GNPAT: variants seen among roughly 807,000 people sequenced by gnomAD.
GNPAT encodes glyceronephosphate O-acyltransferase, also known as dihydroxyacetone phosphate acyltransferase.
GNPAT carries 30 observed loss-of-function variants against 78.4 expected under a neutral mutation model. The observed-to-expected ratio is 0.38, with a 90% CI of 0.29 to 0.52. The LOEUF is 0.52. GNPAT is among the 20% of genes least tolerant of loss of function. The pLI is 0.84. For synonymous variants in GNPAT, 271 were observed against 281.1 expected, an observed-to-expected ratio of 0.96 and a Z score of 0.36; for missense variants, 714 against 812.2, an observed-to-expected ratio of 0.88 and a Z score of 1.47.
chr1:231,271,151 T>C, intron 10 of GNPAT, 151 bp downstream of exon 10: 2 of 927,658 alleles, frequency 2.2e-6, no homozygotes, highest in Non-Finnish European at 3.5e-6. Context: ...GTTCCCCAAA[T>C]ACTTGTTCAT....
At chr1:231,265,816 T>C (rs1349567094) in intron 6 of GNPAT, 29 bp downstream of exon 6, 1 of 1,378,936 alleles carries the variant, frequency 7.3e-7, no homozygotes, top group South Asian at 1.2e-5. Flanking sequence ...AAAGGAAAAA[T>C]ACAAACCCAA....
At chr1:231,266,496 G>T in intron 8 of GNPAT, 89 bp downstream of exon 8, 1 of 1,056,000 alleles carries the variant, frequency 9.5e-7, no homozygotes, top group Non-Finnish European at 1.5e-6. Context: ...CACTTCTCTT[G>T]ATTTACTTAA....
At chr1:231,246,245 G>A (rs1684743374) in intron 1 of GNPAT, among the ~76,000 whole-genome samples, 1 of 152,192 alleles carries the variant, frequency 6.6e-6, no homozygotes, top group Admixed American at 6.5e-5. Flanking sequence ...ATTGACAAAT[G>A]CTATAACTCA....
chr1:231,267,062 G>T (rs989829621), intron 8 of GNPAT, among the ~76,000 whole-genome samples: 3 of 152,142 alleles, frequency 2.0e-5, no homozygotes, highest in Non-Finnish European at 2.9e-5. Flanking sequence ...CCTGACACAG[G>T]CTCTCTCTTT....
chr1:231,254,391 G>T (rs906633944), intron 2 of GNPAT, among the ~76,000 whole-genome samples: 1 of 152,016 alleles, frequency 6.6e-6, no homozygotes, highest in Admixed American at 6.6e-5. Flanking sequence ...TTCCAGCCCT[G>T]CCTCCTCTTC....
intron 1 of GNPAT, among the ~76,000 whole-genome samples, chr1:231,248,169 A>G (rs184098524): frequency 3.4e-4 from 52 of 152,298 alleles, no homozygotes; most frequent in Non-Finnish European, 6.9e-4. Flanking sequence ...GTAGTAACCT[A>G]CTGTTGACCT....
At chr1:231,254,856 A>T (rs1685003831) in intron 2 of GNPAT, among the ~76,000 whole-genome samples, 1 of 150,930 alleles carries the variant, frequency 6.6e-6, no homozygotes, top group South Asian at 2.1e-4. Flanking sequence ...GGTTCAAGTG[A>T]TTCTCCTGCC....
At chr1:231,269,526 C>T (rs1685493649) in intron 9 of GNPAT, among the ~76,000 whole-genome samples, 1 of 152,134 alleles carries the variant, frequency 6.6e-6, no homozygotes, top group Non-Finnish European at 1.5e-5. Flanking sequence ...ACTCAGGGCA[C>T]AGCCAAGAGA....
intron 5 of GNPAT, 43 bp from the exon 6 acceptor site, chr1:231,265,669 A>G (rs1274551905): frequency 1.8e-6 from 2 of 1,131,610 alleles, no homozygotes; most frequent in Admixed American, 3.4e-5. Context: ...TCATTTTGAG[A>G]GTAGGCAATG....
chr1:231,272,756 G>A (rs2102825438), intron 11 of GNPAT, among the ~76,000 whole-genome samples: 1 of 152,252 alleles, frequency 6.6e-6, no homozygotes, highest in African/African-American at 2.4e-5. Flanking sequence ...GGATCACGAG[G>A]TCAAGAGATC....
At chr1:231,254,670 G>C (rs1420102112) in intron 2 of GNPAT, among the ~76,000 whole-genome samples, 1 of 150,598 alleles carries the variant, frequency 6.6e-6, no homozygotes, top group Non-Finnish European at 1.5e-5. Context: ...GGATGGTCTT[G>C]ATCTCCTGAC....
intron 5 of GNPAT, 116 bp downstream of exon 5, chr1:231,265,536 C>A (rs1339637459): frequency 2.1e-6 from 2 of 966,114 alleles, no homozygotes; most frequent in East Asian, 2.4e-5. Flanking sequence ...CCCTCAAGAA[C>A]TGCTTATAAC....
rs1307633245 is a variant in GNPAT at position 231,264,361 on chromosome 1, A to G, written c.569-932A>G. 2.0e-5 allele frequency among the ~76,000 whole-genome samples: 3 copies of G among 152,328 alleles called. No individual in the cohort carries two copies. In the East Asian group the frequency reaches 5.8e-4, roughly 29 times the overall value. On this transcript the variant is annotated intron_variant, in intron 4 of 15. Coordinates refer to ENST00000366647, the MANE Select transcript of GNPAT (RefSeq NM_014236.4). ...CAGTGTGGATATTTCATAATTTAGT[A>G]GTTTTGCTGTTATAAACAATGTCAT...
chr1:231,260,082 G>A (rs1685181249), intron 2 of GNPAT, among the ~76,000 whole-genome samples: 1 of 152,210 alleles, frequency 6.6e-6, no homozygotes, highest in Non-Finnish European at 1.5e-5. Context: ...GATGTAGTCT[G>A]AGTCGGTAAT....
In GNPAT at chr1:231,267,792, G is replaced by A. The variant is rs1161520721; in HGVS notation, c.1168G>A (p.Val390Ile). 1 of 1,613,380 alleles carries A rather than the reference G, an allele frequency of 6.2e-7. No homozygotes were observed. Among genetic ancestry groups the A allele is most frequent in the East Asian group, 2.2e-5 (1 of 44,866 alleles). The change falls in exon 9 of 16, where the codon GTT becomes ATT. Residue 390 changes from valine (V) to isoleucine (I), a missense_variant. Val to Ile is a conservative substitution (Grantham distance 29). Coordinates refer to ENST00000366647, the MANE Select transcript of GNPAT (RefSeq NM_014236.4). The part of the protein sequence containing the change: ...NMVLSPWTLI[V>I]AVLLQNRPSM... ...GGTTTTGAGCCCCTGGACCCTAATA[G>A]TTGCTGTTCTGCTTCAGAACCGGCC...
In GNPAT at chr1:231,266,112, ACT is replaced by A; in HGVS notation, c.874_875del (p.Tyr293CysfsTer3). 1 of 1,612,158 alleles carries A rather than the reference ACT, an allele frequency of 6.2e-7. No homozygotes were observed. The highest frequency in any genetic ancestry group is 8.5e-7 in the Non-Finnish European group (1 of 1,178,382). On this transcript the variant is annotated frameshift_variant, in exon 7 of 16. Coordinates refer to ENST00000366647, the MANE Select transcript of GNPAT (RefSeq NM_014236.4). LOFTEE classifies it high-confidence loss of function. ...CAGTTATGATAAGATCTTGGAAGAA[ACT>A]CTTTATGTGTATGAGCTTCTAGGGG... ...SISYDKILEE[T>X]LYVYELLGVP... is the part of the protein sequence containing the mutation.
intron 1 of GNPAT, 79 bp downstream of exon 1, chr1:231,241,535 C>A: frequency 9.3e-7 from 1 of 1,075,950 alleles, no homozygotes; most frequent in Non-Finnish European, 1.4e-6. Context: ...ATTCCTCCGG[C>A]CCACCACCCT....
At chr1:231,242,110 T>C (rs1197907128) in intron 1 of GNPAT, among the ~76,000 whole-genome samples, 3 of 152,122 alleles carry the variant, frequency 2.0e-5, no homozygotes, top group Admixed American at 6.6e-5. Flanking sequence ...TTTTAACGGG[T>C]CTTTTTGGCT....
intron 11 of GNPAT, among the ~76,000 whole-genome samples, chr1:231,273,374 C>T (rs916113338): frequency 7.9e-5 from 12 of 151,452 alleles, no homozygotes; most frequent in African/African-American, 2.9e-4. Flanking sequence ...GCCTCAGCCT[C>T]CCAAGTAGCA....
Sources: gnomAD v4.1 joint callset for allele counts (sites outside exome capture counted in the v4.1 genomes callset) on GRCh38, gnomAD v4.1.1 for gene constraint, MANE v1.5 for transcripts, NCBI Gene and HGNC (gene_info 2026-07-23, HGNC 2026-07-21) for gene names.